The following RBFOX1 variants were observed in gnomAD, a reference collection of about 807,000 sequenced individuals.
RBFOX1 encodes the protein RNA binding protein fox-1 homolog 1.
In RBFOX1, 8 loss-of-function variants were observed where a neutral mutation model predicts 57.7. The observed-to-expected ratio is 0.14, with a 90% CI of 0.08 to 0.25. The LOEUF is 0.25. Among genes scored for constraint, RBFOX1 ranks in the 10% least tolerant of loss-of-function variants. The pLI is 1.00. For synonymous variants in RBFOX1, 326 were observed against 222.4 expected (o/e 1.47, Z -4.15); for missense variants, 611 against 548.5 (o/e 1.11, Z -1.14).
intron 4 of RBFOX1, among the ~76,000 whole-genome samples, chr16:7,119,427 C>G (rs2066621090): frequency 6.6e-6 from 1 of 152,102 alleles, no homozygotes; most frequent in Admixed American, 6.6e-5. Flanking sequence ...ACTCAAATTA[C>G]TTTGGCAGAC....
chr16:6,279,133 G>T (rs974340719), intron 1 of RBFOX1, among the ~76,000 whole-genome samples: 1 of 152,068 alleles, frequency 6.6e-6, no homozygotes, highest in Non-Finnish European at 1.5e-5. Context: ...AACTCTGTTA[G>T]GTTCTGGGGG....
chr16:5,993,692 G>A (rs918683638), intron 4 of RBFOX1, among the ~76,000 whole-genome samples: 3 of 152,102 alleles, frequency 2.0e-5, no homozygotes, highest in Admixed American at 6.5e-5. Flanking sequence ...GAGTTGTGTC[G>A]CTGCATTAAT....
chr16:6,901,517 C>T (rs1184740191), intron 3 of RBFOX1, among the ~76,000 whole-genome samples: 2 of 152,160 alleles, frequency 1.3e-5, no homozygotes, highest in African/African-American at 2.4e-5. Flanking sequence ...ACAGCAAGTT[C>T]ATGTCTAGTT....
chr16:7,365,258 G>C lies in RBFOX1; in HGVS notation c.28-152889G>C, dbSNP rs1330652342. Among the ~76,000 whole-genome samples the C allele has an allele frequency of 3.3e-5, 5 of 152,284 alleles. No homozygotes were observed. The South Asian group carries it at 1.0e-3, about 32-fold the overall frequency. Reference sequence around the variant, plus strand: ...CAGAGAAACAGATGATACACTCAATGGGGTAATAAATATGTAAAGGACCTT... The same window carrying C: ...CAGAGAAACAGATGATACACTCAATCGGGTAATAAATATGTAAAGGACCTT... On this transcript the variant is annotated intron_variant, in intron 4 of 15. Coordinates refer to ENST00000550418, the MANE Select transcript of RBFOX1 (RefSeq NM_018723.4).
At chr16:7,102,870 A>G (rs1203045692) in intron 4 of RBFOX1, among the ~76,000 whole-genome samples, 2 of 152,070 alleles carry the variant, frequency 1.3e-5, no homozygotes, top group African/African-American at 2.4e-5. Flanking sequence ...CAAATCCAAA[A>G]CGCATGCACT....
intron 4 of RBFOX1, among the ~76,000 whole-genome samples, chr16:7,463,482 C>T (rs149235564): frequency 3.1e-4 from 47 of 152,130 alleles, no homozygotes; most frequent in South Asian, 6.2e-4. Flanking sequence ...GCAGCCTGGG[C>T]GACAGAGTGA....
rs564561488 is a variant in RBFOX1, at chr16:6,919,103, C to T, written c.-15-132954C>T. On this transcript the variant is annotated intron_variant, in intron 3 of 15. Transcript: ENST00000550418. ...TAAGCCATTCTCCTGTCTCAGCCTA[C>T]TGAGTAGCTGGGATTACAGGCACCT... Among the ~76,000 whole-genome samples, 49 of 152,260 alleles carry T rather than the reference C, an allele frequency of 3.2e-4. 1 individual carries two copies. The highest frequency in any genetic ancestry group is 1.2e-3 in the African/African-American group (48 of 41,550).
At chr16:6,026,186 CT>C (rs1376205288) in intron 1 of RBFOX1, among the ~76,000 whole-genome samples, 2 of 152,194 alleles carry the variant, frequency 1.3e-5, no homozygotes, top group African/African-American at 4.8e-5. Flanking sequence ...CTGTTTTATC[CT>C]TTTTCTCTTA....
intron 2 of RBFOX1, among the ~76,000 whole-genome samples, chr16:6,594,879 C>G (rs1258472034): frequency 3.3e-5 from 5 of 152,168 alleles, no homozygotes; most frequent in Admixed American, 1.3e-4. Flanking sequence ...ACCTCCGCCT[C>G]CCGGGTTCAA....
At chr16:5,704,636 A>G (rs944661134) in intron 3 of RBFOX1, among the ~76,000 whole-genome samples, 1 of 152,286 alleles carries the variant, frequency 6.6e-6, no homozygotes, top group African/African-American at 2.4e-5. Flanking sequence ...CCGGATCTCA[A>G]GTTGAGTGGA....
intron 2 of RBFOX1, among the ~76,000 whole-genome samples, chr16:6,595,932 T>A (rs536989149): frequency 1.3e-5 from 2 of 152,190 alleles, no homozygotes; most frequent in Non-Finnish European, 2.9e-5. Flanking sequence ...TAAGTTTTAT[T>A]GTTGGAAACT....
intron 14 of RBFOX1, among the ~76,000 whole-genome samples, chr16:7,682,772 A>G (rs1297994593): frequency 1.3e-5 from 2 of 151,024 alleles, no homozygotes; most frequent in Non-Finnish European, 2.9e-5. Flanking sequence ...ACATATCTAC[A>G]TGTATAAACA....
rs949073791 is a variant in RBFOX1, at chr16:6,346,498, G to C, written c.-64+29441G>C. ...AAGGGATCAGGTACTGTTCCAACGA[G>C]GCAAGGCTGATCTGTAACTAATCAA... On this transcript the variant is annotated intron_variant, in intron 2 of 15. Coordinates refer to ENST00000550418, the MANE Select transcript of RBFOX1 (RefSeq NM_018723.4). Among the ~76,000 whole-genome samples, 9 of 142,788 alleles carry C rather than the reference G, an allele frequency of 6.3e-5. No homozygotes were observed. In the East Asian group the frequency reaches 1.0e-3, roughly 16 times the overall value. The allele number at this position is 142,788 out of a possible 152,430, so 93.7% of individuals were successfully genotyped here. A position where few individuals can be genotyped will look rare whatever the true frequency, so the allele number is the denominator to read the frequency against.
intron 2 of RBFOX1, among the ~76,000 whole-genome samples, chr16:6,501,191 C>A (rs566932076): frequency 1.5e-4 from 22 of 144,094 alleles, no homozygotes; most frequent in Admixed American, 1.3e-3. Flanking sequence ...GCACAACGTG[C>A]AGGTTTGTTA....
chr16:5,619,303 C>T (rs562099308), intron 3 of RBFOX1, among the ~76,000 whole-genome samples: 12 of 152,238 alleles, frequency 7.9e-5, no homozygotes, highest in African/African-American at 2.6e-4. Flanking sequence ...GGAACTCTGA[C>T]CCTGGAACGG....
At chr16:7,083,139 G>C (rs528630601) in intron 4 of RBFOX1, among the ~76,000 whole-genome samples, 112 of 152,248 alleles carry the variant, frequency 7.4e-4, no homozygotes, top group African/African-American at 2.6e-3. Context: ...ATTTGGTTAT[G>C]AGCAGAATTT....
At position 6,089,432 on chromosome 16, in the gene RBFOX1, T is replaced by G. The variant is rs140267982; in HGVS notation, c.-127+69440T>G. ...ATCCCATCATTTAGGATGGTCGGCA[T>G]ATACACAGAGGGCCTATAAGGAAGG... On this transcript the variant is annotated intron_variant, in intron 1 of 15. Transcript: ENST00000550418. Among the ~76,000 whole-genome samples the G allele has an allele frequency of 8.7e-3, 1,323 of 152,226 alleles. 16 individuals carry two copies. Among genetic ancestry groups the G allele is most frequent in the African/African-American group, 0.029 (1,186 of 41,540 alleles).
In RBFOX1 at chr16:5,977,390, G is replaced by A. The variant is rs150271540; in HGVS notation, c.351+110055G>A. On this transcript the variant is annotated intron_variant, in intron 4 of 19. Transcript: ENST00000641259. ...TCCCTGCCCTCCATGGTCACTGTGG[G>A]AGCTATGTGTCCCTACGATCCCTGG... 2.5e-3 allele frequency among the ~76,000 whole-genome samples: 383 copies of A among 152,276 alleles called. 2 individuals are homozygous for A. Among genetic ancestry groups the A allele is most frequent in the African/African-American group, 8.6e-3 (356 of 41,544 alleles).
chr16:6,014,370 A>T (rs778796248), upstream of RBFOX1, among the ~76,000 whole-genome samples: 1 of 152,192 alleles, frequency 6.6e-6, no homozygotes, highest in Non-Finnish European at 1.5e-5. Flanking sequence ...CATGTTTACT[A>T]TTTCAAAGAC....
Sources: gnomAD v4.1 joint callset for allele counts (sites outside exome capture counted in the v4.1 genomes callset) on GRCh38, gnomAD v4.1.1 for gene constraint, MANE v1.5 for transcripts, NCBI Gene and HGNC (gene_info 2026-07-23, HGNC 2026-07-21) for gene names.